SLC12A2: variants seen among roughly 807,000 people sequenced by gnomAD.
SLC12A2 encodes Na-K-2Cl cotransporter 1.
A neutral mutation model predicts 136.3 loss-of-function variants in SLC12A2; 67 were observed. The observed-to-expected ratio is 0.49, with a 90% CI of 0.40 to 0.60. The LOEUF (loss-of-function observed/expected upper bound fraction) is 0.60, where lower values mean the gene tolerates loss of function less well. Among genes scored for constraint, SLC12A2 ranks in the 20% least tolerant of loss-of-function variants. The pLI is 0.00. For missense variants in SLC12A2, 1,322 were observed against 1,534.7 expected (o/e 0.86, Z 2.32); for synonymous variants, 619 against 562.9 (o/e 1.10, Z -1.41).
intron 4 of SLC12A2, among the ~76,000 whole-genome samples, chr5:128,121,703 A>G (rs1429883045): frequency 6.6e-6 from 1 of 152,204 alleles, no homozygotes; most frequent in Non-Finnish European, 1.5e-5. Flanking sequence ...TAAGAATAGC[A>G]GTGCCAAGGA....
intron 1 of SLC12A2, among the ~76,000 whole-genome samples, chr5:128,095,175 G>A (rs887751892): frequency 6.6e-6 from 1 of 152,130 alleles, no homozygotes; most frequent in Non-Finnish European, 1.5e-5. Flanking sequence ...GTTTCAATCA[G>A]TGGAATCTGT....
chr5:128,180,126 T>C (rs1206685595), intron 22 of SLC12A2, among the ~76,000 whole-genome samples: 1 of 151,492 alleles, frequency 6.6e-6, no homozygotes, highest in Non-Finnish European at 1.5e-5. Context: ...CCTGCCACCA[T>C]GCCCAGCTAA....
chr5:128,155,240 A>G (rs1025902397), intron 15 of SLC12A2, among the ~76,000 whole-genome samples: 8 of 152,122 alleles, frequency 5.3e-5, no homozygotes, highest in Non-Finnish European at 1.0e-4. Flanking sequence ...TGAATTGTGT[A>G]TTTATGGAAT....
chr5:128,186,757 T>C lies in SLC12A2; in HGVS notation c.*126T>C. On this transcript the variant is annotated 3_prime_UTR_variant, in exon 27 of 27. Coordinates refer to ENST00000262461, the MANE Select transcript of SLC12A2 (RefSeq NM_001046.3). ...ACTTTTCTTTCACGATTTCATTAAT[T>C]TGAAAGCACACAGGAAAGTTGCTCC... is the stretch of plus-strand genomic sequence containing the variant. 9.6e-7 allele frequency: 1 copy of C among 1,042,910 alleles called. No homozygotes were observed. The highest frequency in any genetic ancestry group is 1.4e-6 in the Non-Finnish European group (1 of 714,968). 64.6% of individuals were successfully genotyped at this position (1,042,910 alleles called of 1,614,324 possible).
chr5:128,106,941 TTATAGACATTATATTTTCTTG>T (rs2126661375), intron 1 of SLC12A2, among the ~76,000 whole-genome samples: 1 of 152,322 alleles, frequency 6.6e-6, no homozygotes, highest in South Asian at 2.1e-4. Flanking sequence ...TTTGTGTATA[TTATAGACATTATATTTTCTTG>T]TAATACTTGG....
chr5:128,116,591 G>T (rs916039258), intron 4 of SLC12A2, among the ~76,000 whole-genome samples: 8 of 151,996 alleles, frequency 5.3e-5, no homozygotes, highest in Non-Finnish European at 8.8e-5. Flanking sequence ...AACCTAGAGG[G>T]TAAAAACCAC....
At chr5:128,138,365 G>A (rs912910873) in intron 7 of SLC12A2, among the ~76,000 whole-genome samples, 1 of 152,090 alleles carries the variant, frequency 6.6e-6, no homozygotes, top group Non-Finnish European at 1.5e-5. Flanking sequence ...CATAATTAGC[G>A]AGGTATACAA....
At chr5:128,115,236 T>A (rs1761301540) in intron 4 of SLC12A2, among the ~76,000 whole-genome samples, 1 of 152,232 alleles carries the variant, frequency 6.6e-6, no homozygotes, top group Non-Finnish European at 1.5e-5. Flanking sequence ...GTGATTCTTC[T>A]GCATCAGCCT....
chr5:128,164,382 C>G (rs937635582), intron 17 of SLC12A2, among the ~76,000 whole-genome samples: 2 of 152,148 alleles, frequency 1.3e-5, no homozygotes, highest in African/African-American at 4.8e-5. Flanking sequence ...CATGACAACT[C>G]TATCAGTGTG....
At chr5:128,160,326 C>T (rs934494158) in intron 16 of SLC12A2, among the ~76,000 whole-genome samples, 1 of 151,980 alleles carries the variant, frequency 6.6e-6, no homozygotes, top group African/African-American at 2.4e-5. Context: ...CACCATGGCA[C>T]CTATATACCT....
At chr5:128,108,443 A>G (rs1445022535) in intron 1 of SLC12A2, among the ~76,000 whole-genome samples, 3 of 152,244 alleles carry the variant, frequency 2.0e-5, no homozygotes, top group Non-Finnish European at 2.9e-5. Context: ...TGGCATATCC[A>G]TACTATGGAA....
At chr5:128,153,315 G>T (rs1029944173) in intron 15 of SLC12A2, among the ~76,000 whole-genome samples, 4 of 152,218 alleles carry the variant, frequency 2.6e-5, no homozygotes, top group Non-Finnish European at 4.4e-5. Flanking sequence ...AGCACTTTGG[G>T]ACGCCAAGGC....
intron 17 of SLC12A2, among the ~76,000 whole-genome samples, chr5:128,163,859 T>C (rs1763119087): frequency 1.3e-5 from 2 of 152,212 alleles, no homozygotes; most frequent in African/African-American, 2.4e-5. Flanking sequence ...ACTGTGTTTC[T>C]CATGTTTCTT....
chr5:128,185,094 CT>C (rs1436700388), intron 26 of SLC12A2, among the ~76,000 whole-genome samples: 1 of 152,080 alleles, frequency 6.6e-6, no homozygotes, highest in Non-Finnish European at 1.5e-5. Flanking sequence ...ATATTGGAAC[CT>C]TTTGTTTACC....
At chr5:128,140,801 C>A (rs1045343304) in intron 9 of SLC12A2, among the ~76,000 whole-genome samples, 1 of 151,914 alleles carries the variant, frequency 6.6e-6, no homozygotes, top group African/African-American at 2.4e-5. Context: ...ATTCTCCCCC[C>A]ATTCCCCAGT....
Position 128,157,622 on chromosome 5 carries a change from T to C in SLC12A2, c.2364-431T>C, listed in dbSNP as rs551264027. On this transcript the variant is annotated intron_variant, in intron 15 of 26. Coordinates refer to ENST00000262461, the MANE Select transcript of SLC12A2 (RefSeq NM_001046.3). ...GCAAACTCTATGAAAGAATTATTAA[T>C]AGAATATTTATTACCTTTAGAAAAT... is the stretch of plus-strand genomic sequence containing the variant. 2.0e-5 allele frequency among the ~76,000 whole-genome samples: 3 copies of C among 152,288 alleles called. No homozygotes were observed. In the East Asian group the frequency reaches 5.8e-4, roughly 29 times the overall value.
At chr5:128,109,533 A>C in intron 1 of SLC12A2, 3 of 660,520 alleles carry the variant, frequency 4.5e-6, no homozygotes, top group Non-Finnish European at 8.4e-6. Flanking sequence ...GGACAGTTCC[A>C]GCACTTGCTG....
intron 10 of SLC12A2, among the ~76,000 whole-genome samples, chr5:128,147,109 T>G (rs1275642589): frequency 6.7e-6 from 1 of 148,462 alleles, no homozygotes. Flanking sequence ...TGGATCCTGA[T>G]TTGAACAGAC....
intron 4 of SLC12A2, among the ~76,000 whole-genome samples, chr5:128,121,563 C>T (rs1361542446): frequency 6.6e-6 from 1 of 151,974 alleles, no homozygotes; most frequent in Non-Finnish European, 1.5e-5. Context: ...ATCTCGTGAT[C>T]TGCCCGCCTC....
Sources: gnomAD v4.1 joint callset for allele counts (sites outside exome capture counted in the v4.1 genomes callset) on GRCh38, gnomAD v4.1.1 for gene constraint, MANE v1.5 for transcripts, NCBI Gene and HGNC (gene_info 2026-07-23, HGNC 2026-07-21) for gene names.